The following DNAH17 variants were observed in gnomAD, a reference collection of about 807,000 sequenced individuals.
DNAH17 encodes dynein axonemal heavy chain 17, also known as axonemal beta dynein heavy chain 17.
A neutral mutation model predicts 485.6 loss-of-function variants in DNAH17; 376 were observed. The ratio of observed to expected loss-of-function variants is 0.77; its 90% confidence interval spans 0.71 to 0.84. The LOEUF (loss-of-function observed/expected upper bound fraction) is 0.84, where lower values mean the gene tolerates loss of function less well. DNAH17 is among the 40% of genes least tolerant of loss of function. The pLI is 0.00. For missense variants in DNAH17, 6,370 were observed against 5,839.3 expected (o/e 1.09, Z -2.96); for synonymous variants, 3,031 against 2,405.9 (o/e 1.26, Z -7.60).
intron 75 of DNAH17, 79 bp downstream of exon 75, chr17:78,433,950 A>G: frequency 3.6e-6 from 4 of 1,100,524 alleles, no homozygotes; most frequent in Non-Finnish European, 3.8e-6. Flanking sequence ...GGAGGGAGGG[A>G]AGGAGGGAGG....
intron 48 of DNAH17, among the ~76,000 whole-genome samples, chr17:78,481,857 A>G (rs929739120): frequency 2.6e-5 from 4 of 152,000 alleles, no homozygotes; most frequent in African/African-American, 9.7e-5. Context: ...TCTACTAAAA[A>G]TACAAAAATT....
intron 18 of DNAH17, among the ~76,000 whole-genome samples, chr17:78,539,165 G>C (rs566731821): frequency 3.3e-5 from 5 of 152,260 alleles, no homozygotes. Flanking sequence ...AGGAGGTGGA[G>C]TTTGCAGTGA....
Position 78,534,042 on chromosome 17 carries a change from G to A in DNAH17, c.2860-1306C>T, listed in dbSNP as rs538670452. Reference sequence around the variant, plus strand: ...AAAACCTTATGGGCCAGGAAGAGCCGGCCTTTCCCAGGGCTAGGCAATTCT... The same window carrying A: ...AAAACCTTATGGGCCAGGAAGAGCCAGCCTTTCCCAGGGCTAGGCAATTCT... On this transcript the variant is annotated intron_variant, in intron 19 of 80. Transcript: ENST00000389840. Among the ~76,000 whole-genome samples the A allele has an allele frequency of 4.6e-5, 7 of 152,290 alleles. No homozygotes were observed. The South Asian group carries it at 1.0e-3, about 23-fold the overall frequency.
chr17:78,568,631 G>T (rs1318562706), intron 9 of DNAH17, among the ~76,000 whole-genome samples: 2 of 152,102 alleles, frequency 1.3e-5, no homozygotes, highest in Admixed American at 6.5e-5. Flanking sequence ...TGTCGCTCAG[G>T]CTGGACTGCA....
rs1030509131 is a variant in DNAH17, at chr17:78,449,687, T to TA, written c.11041-104_11041-103insT. 3.2e-6 allele frequency: 4 copies of TA among 1,248,796 alleles called. No homozygotes were observed. In the African/African-American group the frequency reaches 6.1e-5, roughly 19 times the overall value. The allele number at this position is 1,248,796 out of a possible 1,614,324, so 77.4% of individuals were successfully genotyped here. ...ACCTGTGGTGGCCTCCAGTTTGTTTTGTTTCTTTGAGACAGAGTCTTGCTC... is the reference window on the plus strand; with the variant it reads ...ACCTGTGGTGGCCTCCAGTTTGTTTTAGTTTCTTTGAGACAGAGTCTTGCTC... On this transcript the variant is annotated intron_variant, in intron 68 of 80. Transcript: ENST00000389840.
Position 78,449,692 on chromosome 17 carries a change from C to T in DNAH17, c.11041-108G>A, listed in dbSNP as rs890723596. On this transcript the variant is annotated intron_variant, in intron 68 of 80. Coordinates refer to ENST00000389840, the MANE Select transcript of DNAH17 (RefSeq NM_173628.4). Reference sequence around the variant, plus strand: ...TGGTGGCCTCCAGTTTGTTTTGTTTCTTTGAGACAGAGTCTTGCTCTGTCG... The same window carrying T: ...TGGTGGCCTCCAGTTTGTTTTGTTTTTTTGAGACAGAGTCTTGCTCTGTCG... 14 of 1,187,464 alleles carry T rather than the reference C, an allele frequency of 1.2e-5. No homozygotes were observed. In the South Asian group the frequency reaches 1.7e-4, roughly 15 times the overall value. 73.6% of individuals were successfully genotyped at this position (1,187,464 alleles called of 1,614,324 possible).
At chr17:78,469,294 A>C (rs562263446) in intron 54 of DNAH17, among the ~76,000 whole-genome samples, 1 of 152,200 alleles carries the variant, frequency 6.6e-6, no homozygotes, top group African/African-American at 2.4e-5. Context: ...GGCACCCGCC[A>C]CCACGCCTGG....
At chr17:78,435,362 C>T (rs1293370294) in intron 74 of DNAH17, among the ~76,000 whole-genome samples, 3 of 152,190 alleles carry the variant, frequency 2.0e-5, no homozygotes, top group Non-Finnish European at 4.4e-5. Flanking sequence ...CACCCACCAC[C>T]GCTTCTTCCT....
At position 78,529,626 on chromosome 17, in the gene DNAH17, T is replaced by G. The variant is rs761350809; in HGVS notation, c.3353A>C (p.Asp1118Ala). 1.2e-6 allele frequency: 2 copies of G among 1,613,718 alleles called. No individual in the cohort carries two copies. The highest frequency in any genetic ancestry group is 1.7e-6 in the Non-Finnish European group (2 of 1,179,802). The change falls in exon 22 of 81, where the codon GAC becomes GCC. Residue 1118 changes from aspartate to alanine, a missense_variant. Asp to Ala is a moderately radical substitution (Grantham distance 126, BLOSUM62 -2). Transcript: ENST00000389840. ...MGLTKPLKEGDYDGLVEVMGH... is the reference protein window; with the variant it reads ...MGLTKPLKEGAYDGLVEVMGH... Reference sequence around the variant, plus strand: ...CATCACCTCCACAAGCCCATCATAGTCCCCCTCCTTGAGGGGCTTGGTCAA... The same window carrying G: ...CATCACCTCCACAAGCCCATCATAGGCCCCCTCCTTGAGGGGCTTGGTCAA...
chr17:78,491,745 C>T (rs1002588888), intron 42 of DNAH17, among the ~76,000 whole-genome samples, 175 bp from the exon 43 acceptor site: 1 of 152,198 alleles, frequency 6.6e-6, no homozygotes, highest in Admixed American at 6.5e-5. Flanking sequence ...TCTCTGTGGC[C>T]TCCCTCCTAC....
At chr17:78,564,221 G>A (rs985811806) in intron 11 of DNAH17, among the ~76,000 whole-genome samples, 1 of 152,132 alleles carries the variant, frequency 6.6e-6, no homozygotes, top group Non-Finnish European at 1.5e-5. Context: ...GTGAACCCTG[G>A]GGGAGGTTCA....
intron 20 of DNAH17, among the ~76,000 whole-genome samples, chr17:78,531,812 A>G (rs922860582): frequency 2.6e-5 from 4 of 152,220 alleles, no homozygotes; most frequent in African/African-American, 9.7e-5. Flanking sequence ...GACAATCTAT[A>G]TCTTTTAAGT....
intron 17 of DNAH17, 74 bp downstream of exon 17, chr17:78,543,783 C>T (rs1318225803): frequency 1.9e-6 from 3 of 1,601,516 alleles, no homozygotes; most frequent in Non-Finnish European, 2.6e-6. Flanking sequence ...ATGAAATCTC[C>T]AGCCCTGGGT....
chr17:78,456,255 G>C (rs887571130), intron 62 of DNAH17, among the ~76,000 whole-genome samples: 2 of 152,054 alleles, frequency 1.3e-5, no homozygotes, highest in African/African-American at 4.8e-5. Context: ...GCCGAGATTG[G>C]GCCACTGCAT....
intron 41 of DNAH17, chr17:78,493,057 G>C (rs763307796): frequency 1.2e-5 from 3 of 241,950 alleles, no homozygotes; most frequent in African/African-American, 4.6e-5. Context: ...CACCATGTTG[G>C]TCAGGCTGGT....
At chr17:78,425,735 A>G (rs946930857) in intron 79 of DNAH17, 164 bp from the exon 80 acceptor site, 2 of 489,082 alleles carry the variant, frequency 4.1e-6, no homozygotes, top group East Asian at 3.3e-5. Context: ...GCCACCTACC[A>G]TGACGCAACT....
At chr17:78,453,662 C>T (rs1443261036) in intron 64 of DNAH17, among the ~76,000 whole-genome samples, 197 bp from the exon 65 acceptor site, 4 of 152,216 alleles carry the variant, frequency 2.6e-5, no homozygotes, top group Non-Finnish European at 5.9e-5. Flanking sequence ...TGCCCCCGTG[C>T]TCTTATGGGA....
Position 78,475,774 on chromosome 17 carries a change from C to T in DNAH17, c.8214G>A (p.Gly2738=), listed in dbSNP as rs764814216. ...CAGGAACATATTTGGGATCGCCAAT[C>T]CCTTGAGCAAAGTGGCAGAAGATAT... ...KPNIFCHFAQ[G]IGDPKYVPVT... The change falls in exon 53 of 81, where the codon GGG becomes GGA. Residue 2738 remains glycine (G), a synonymous_variant. Coordinates refer to ENST00000389840, the MANE Select transcript of DNAH17 (RefSeq NM_173628.4). 6.8e-6 allele frequency: 11 copies of T among 1,613,830 alleles called. No individual in the cohort carries two copies. In the African/African-American group the frequency reaches 1.3e-4, roughly 20 times the overall value.
At chr17:78,469,611 G>C (rs184103163) in intron 54 of DNAH17, among the ~76,000 whole-genome samples, 1 of 152,178 alleles carries the variant, frequency 6.6e-6, no homozygotes, top group Non-Finnish European at 1.5e-5. Flanking sequence ...GAAGGGTGCA[G>C]GAGACCCAAA....
Sources: allele counts gnomAD v4.1 joint callset (sites outside exome capture counted in the v4.1 genomes callset), GRCh38; gene constraint gnomAD v4.1.1; transcripts MANE v1.5; gene names NCBI Gene and HGNC (gene_info 2026-07-23, HGNC 2026-07-21).